CAPRIN1: variants seen among roughly 807,000 people sequenced by gnomAD.
CAPRIN1 encodes cell cycle associated protein 1, also known as caprin-1.
A neutral mutation model predicts 100.9 loss-of-function variants in CAPRIN1; 29 were observed. That is an observed-to-expected ratio of 0.29 (90% CI 0.21 to 0.39). The LOEUF is 0.39. CAPRIN1 is among the 10% of genes least tolerant of loss of function. The pLI is 1.00. For missense variants in CAPRIN1, 795 were observed against 876.7 expected (o/e 0.91, Z 1.18); for synonymous variants, 338 against 307.5 (o/e 1.10, Z -1.04).
chr11:34,096,411 A>G, intron 15 of CAPRIN1, 68 bp from the exon 16 acceptor site: 1 of 1,165,118 alleles, frequency 8.6e-7, no homozygotes, highest in Non-Finnish European at 1.3e-6. Flanking sequence ...CTTAAACTAG[A>G]AAGTGCGTGG....
intron 2 of CAPRIN1, among the ~76,000 whole-genome samples, chr11:34,065,886 ATAG>A (rs1403213347): frequency 1.6e-4 from 25 of 152,328 alleles, no homozygotes; most frequent in African/African-American, 5.8e-4. Flanking sequence ...GATATTTATA[ATAG>A]TAGTGTAGAA....
At chr11:34,064,115 AATACTT>A (rs1259683204) in intron 2 of CAPRIN1, among the ~76,000 whole-genome samples, 1 of 152,056 alleles carries the variant, frequency 6.6e-6, no homozygotes, top group Non-Finnish European at 1.5e-5. Context: ...CTCTAGGAAA[AATACTT>A]AATATCTTAT....
At chr11:34,079,330 G>A (rs1488634293) in intron 6 of CAPRIN1, among the ~76,000 whole-genome samples, 3 of 152,144 alleles carry the variant, frequency 2.0e-5, no homozygotes, top group South Asian at 2.1e-4. Context: ...AATCTGGGAG[G>A]CAGAGGTTGC....
intron 2 of CAPRIN1, among the ~76,000 whole-genome samples, chr11:34,060,240 A>C (rs1025351768): frequency 6.6e-6 from 1 of 151,550 alleles, no homozygotes; most frequent in Non-Finnish European, 1.5e-5. Context: ...TTAGCAAGAT[A>C]TGTGAATGGT....
chr11:34,086,046 C>CTTT lies in CAPRIN1; in HGVS notation c.967-12_967-10dup. On this transcript the variant is annotated splice_polypyrimidine_tract_variant and intron_variant, in intron 9 of 18. Transcript: ENST00000341394. ...TTTTGCTCTCCTATTCCTTCTAATC[C>CTTT]TTTTTTTTCTACCTTAGGTGGTAAA... is the stretch of plus-strand genomic sequence containing the variant. The CTTT allele has an allele frequency of 5.0e-6, 8 of 1,609,834 alleles. No homozygotes were observed. The highest frequency in any genetic ancestry group is 6.8e-6 in the Non-Finnish European group (8 of 1,177,798).
chr11:34,074,258 TACTATC>T (rs1031829347), intron 4 of CAPRIN1, among the ~76,000 whole-genome samples: 10 of 152,206 alleles, frequency 6.6e-5, no homozygotes, highest in Non-Finnish European at 1.5e-4. Flanking sequence ...TTTTGGAAGT[TACTATC>T]ACTGTGTAAT....
intron 2 of CAPRIN1, among the ~76,000 whole-genome samples, chr11:34,058,707 G>C (rs574236008): frequency 3.3e-5 from 5 of 152,266 alleles, no homozygotes; most frequent in African/African-American, 9.6e-5. Context: ...CAGTGTGTCA[G>C]GTATCATTGG....
intron 14 of CAPRIN1, among the ~76,000 whole-genome samples, chr11:34,091,342 A>G (rs1851260652): frequency 6.6e-6 from 1 of 152,194 alleles, no homozygotes; most frequent in South Asian, 2.1e-4. Flanking sequence ...GCTGGAGTGT[A>G]GTGGCGTGAT....
At chr11:34,091,048 A>G (rs1306353918) in intron 14 of CAPRIN1, among the ~76,000 whole-genome samples, 3 of 152,290 alleles carry the variant, frequency 2.0e-5, no homozygotes, top group Non-Finnish European at 4.4e-5. Context: ...AGTATTTTGA[A>G]GTTTCAGATG....
intron 2 of CAPRIN1, chr11:34,053,147 T>TC: frequency 1.0e-6 from 1 of 988,406 alleles, no homozygotes; most frequent in Non-Finnish European, 1.2e-6. Context: ...GAGCGTCCCC[T>TC]CTTCTTCCGT....
chr11:34,067,655 C>T (rs1188104144), intron 2 of CAPRIN1, among the ~76,000 whole-genome samples: 3 of 152,030 alleles, frequency 2.0e-5, no homozygotes, highest in Non-Finnish European at 2.9e-5. Flanking sequence ...AAAATTTCCA[C>T]GCCTCGGTAA....
Position 34,096,581 on chromosome 11 carries a change from C to A in CAPRIN1, c.1808C>A (p.Pro603His), listed in dbSNP as rs1391739033. The part of the protein sequence containing the change: ...QNTGFPRSNQ[P>H]YYNSRGVSRG... ...ACTGGATTTCCACGTAGCAATCAGCCCTATTACAATAGTCGTGGTGTGTCT... is the reference window on the plus strand; with the variant it reads ...ACTGGATTTCCACGTAGCAATCAGCACTATTACAATAGTCGTGGTGTGTCT... Residue 603 changes from proline (P) to histidine (H), a missense_variant, in exon 16 of 19, where the codon CCC becomes CAC. Coordinates refer to ENST00000341394, the MANE Select transcript of CAPRIN1 (RefSeq NM_005898.5). The A allele has an allele frequency of 1.2e-6, 2 of 1,613,966 alleles. No individual in the cohort carries two copies. Among genetic ancestry groups the A allele is most frequent in the Admixed American group, 3.3e-5 (2 of 60,014 alleles).
At chr11:34,094,013 C>T (rs962119262) in intron 15 of CAPRIN1, among the ~76,000 whole-genome samples, 2 of 152,004 alleles carry the variant, frequency 1.3e-5, no homozygotes, top group Non-Finnish European at 2.9e-5. Context: ...GAAGTAGAAA[C>T]TATATATATG....
chr11:34,083,185 C>T, intron 9 of CAPRIN1, 144 bp downstream of exon 9: 1 of 626,758 alleles, frequency 1.6e-6, no homozygotes, highest in Non-Finnish European at 2.8e-6. Flanking sequence ...CTGTTACTTC[C>T]AAAAAATGAA....
At chr11:34,097,795 G>A (rs369720837) in intron 18 of CAPRIN1, 34 bp downstream of exon 18, 11 of 1,613,622 alleles carry the variant, frequency 6.8e-6, no homozygotes, top group Non-Finnish European at 9.3e-6. Flanking sequence ...TAGCTCCTAA[G>A]TGGAGCTTCT....
At position 34,070,708 on chromosome 11, in the gene CAPRIN1, CT is replaced by C. The variant is rs879551743; in HGVS notation, c.217-1008del. On this transcript the variant is annotated intron_variant, in intron 2 of 18. Coordinates refer to ENST00000341394, the MANE Select transcript of CAPRIN1 (RefSeq NM_005898.5). ...ACCGTGCCTGGCCCGAAAAAATACT[CT>C]TTTTTTTTTGGATGCAAAATTTCAC... Among the ~76,000 whole-genome samples the C allele has an allele frequency of 5.5e-5, 8 of 145,148 alleles. No homozygotes were observed. The South Asian group carries it at 8.9e-4, about 16-fold the overall frequency.
chr11:34,078,510 T>C (rs1436184088), intron 6 of CAPRIN1, among the ~76,000 whole-genome samples: 4 of 152,242 alleles, frequency 2.6e-5, no homozygotes, highest in African/African-American at 9.6e-5. Flanking sequence ...TTTTTTCTCT[T>C]CTACTTTTAT....
At chr11:34,077,803 C>T (rs1308669441) in intron 6 of CAPRIN1, among the ~76,000 whole-genome samples, 1 of 152,092 alleles carries the variant, frequency 6.6e-6, no homozygotes, top group Non-Finnish European at 1.5e-5. Context: ...CCTTGTCTGT[C>T]CTTTCTTCAT....
Position 34,091,902 on chromosome 11 carries a change from A to C in CAPRIN1, c.1555-4A>C. ...AACTAATCATTTACTTTATTTACTA[A>C]CAGGTGTTCAATATGAATGCCCCAG... On this transcript the variant is annotated splice_polypyrimidine_tract_variant and splice_region_variant and intron_variant, in intron 14 of 18. Coordinates refer to ENST00000341394, the MANE Select transcript of CAPRIN1 (RefSeq NM_005898.5). 2 of 1,607,342 alleles carry C rather than the reference A, an allele frequency of 1.2e-6. No homozygotes were observed.
Sources: gnomAD v4.1 joint callset for allele counts (sites outside exome capture counted in the v4.1 genomes callset) on GRCh38, gnomAD v4.1.1 for gene constraint, MANE v1.5 for transcripts, NCBI Gene and HGNC (gene_info 2026-07-23, HGNC 2026-07-21) for gene names.